ITPR2: variants seen among roughly 807,000 people sequenced by gnomAD.
The protein encoded by ITPR2 is inositol 1,4,5-trisphosphate-gated calcium channel ITPR2.
ITPR2 carries 207 observed loss-of-function variants against 317.1 expected under a neutral mutation model. The ratio of observed to expected loss-of-function variants is 0.65; its 90% CI spans 0.58 to 0.73. The LOEUF (loss-of-function observed/expected upper bound fraction) is 0.73, where lower values mean the gene tolerates loss of function less well. Among genes scored for constraint, ITPR2 ranks in the 30% least tolerant of loss-of-function variants. The probability of loss-of-function intolerance (pLI) is 0.00; values close to 1 mark genes in which losing one functional copy is unlikely to be tolerated. For missense variants in ITPR2, 2,613 were observed against 3,284.0 expected, an observed-to-expected ratio of 0.80 and a Z score of 4.99; for synonymous variants, 1,156 against 1,149.1, an observed-to-expected ratio of 1.01 and a Z score of -0.12.
chr12:26,427,693 C>T (rs897917715), intron 49 of ITPR2, among the ~76,000 whole-genome samples: 30 of 152,132 alleles, frequency 2.0e-4, no homozygotes, highest in African/African-American at 7.0e-4. Context: ...GGGTCATTCC[C>T]CAAATGTTAC....
chr12:26,660,089 C>A (rs747810920), intron 15 of ITPR2, among the ~76,000 whole-genome samples: 3 of 152,176 alleles, frequency 2.0e-5, no homozygotes, highest in Non-Finnish European at 4.4e-5. Flanking sequence ...GGGAAGCCAT[C>A]TAGGCAGTGG....
intron 34 of ITPR2, among the ~76,000 whole-genome samples, chr12:26,574,751 C>T (rs993829693): frequency 2.0e-5 from 3 of 152,122 alleles, no homozygotes; most frequent in East Asian, 1.9e-4. Flanking sequence ...AGCTTCCACT[C>T]GTGGTGGAAG....
intron 2 of ITPR2, among the ~76,000 whole-genome samples, chr12:26,758,946 C>G (rs1181921182): frequency 6.6e-6 from 1 of 152,222 alleles, no homozygotes; most frequent in Admixed American, 6.5e-5. Context: ...TGCATACAGT[C>G]TCTTCCATGA....
At chr12:26,612,243 AT>A (rs77518785) in intron 26 of ITPR2, among the ~76,000 whole-genome samples, 34,670 of 152,006 alleles carry the variant, frequency 0.23, 4,389 homozygotes, top group East Asian at 0.51. Flanking sequence ...TATTGGAGAT[AT>A]TTTTTATTCT....
chr12:26,746,199 C>CACACACACACAT (rs1949319689), intron 2 of ITPR2, among the ~76,000 whole-genome samples: 1 of 151,644 alleles, frequency 6.6e-6, no homozygotes. Flanking sequence ...ACAACACACA[C>CACACACACACAT]ACACACACAC....
intron 41 of ITPR2, among the ~76,000 whole-genome samples, chr12:26,485,390 T>C (rs1364003030): frequency 2.0e-5 from 3 of 152,214 alleles, no homozygotes; most frequent in African/African-American, 4.8e-5. Context: ...ATACACCCTA[T>C]ACATCTATTT....
intron 37 of ITPR2, among the ~76,000 whole-genome samples, chr12:26,508,502 G>A: frequency 6.6e-6 from 1 of 151,948 alleles, no homozygotes; most frequent in Non-Finnish European, 1.5e-5. Flanking sequence ...TGATATCATA[G>A]GCCCCTACAT....
intron 2 of ITPR2, among the ~76,000 whole-genome samples, chr12:26,784,570 C>G (rs961169724): frequency 6.6e-6 from 1 of 151,758 alleles, no homozygotes; most frequent in Non-Finnish European, 1.5e-5. Flanking sequence ...TCTCCAGCTC[C>G]TAACCGCGAG....
chr12:26,507,068 A>G (rs1044228418), intron 37 of ITPR2, among the ~76,000 whole-genome samples: 1 of 152,092 alleles, frequency 6.6e-6, no homozygotes, highest in African/African-American at 2.4e-5. Context: ...TCTTGCATCT[A>G]TTTGTCCAGG....
In ITPR2 at chr12:26,561,843, T is replaced by G; in HGVS notation, c.4740A>C (p.Leu1580=). The G allele has an allele frequency of 6.3e-7, 1 of 1,598,676 alleles. No homozygotes were observed. Among genetic ancestry groups the G allele is most frequent in the South Asian group, 1.1e-5 (1 of 87,180 alleles). The change falls in exon 35 of 57, where the codon CTA becomes CTC. Residue 1580 remains leucine, a synonymous_variant. Coordinates refer to ENST00000381340, the MANE Select transcript of ITPR2 (RefSeq NM_002223.4). The part of the protein sequence containing the change: ...MVQRAAMGWR[L]SARSGPRFKE... ...TAAAGCGTGGCCCAGAGCGAGCTGA[T>G]AGTCTCCAACCCATTGCTGCTCTCT... is the stretch of plus-strand genomic sequence containing the variant.
chr12:26,833,023 C>T lies in ITPR2; in HGVS notation c.-242G>A, dbSNP rs1951144498. ...CCGCGAAGAGCGCAGCCCAGGCGCC[C>T]AGAGAAGCCGCAGCCGCCGCCGCCT... On this transcript the variant is annotated 5_prime_UTR_variant, in exon 1 of 57. Transcript: ENST00000381340. 1 of 479,412 alleles carries T rather than the reference C, an allele frequency of 2.1e-6. No homozygotes were observed. The highest frequency in any genetic ancestry group is 2.9e-5 in the South Asian group (1 of 35,002). 29.7% of individuals were successfully genotyped at this position (479,412 alleles called of 1,614,324 possible).
intron 39 of ITPR2, among the ~76,000 whole-genome samples, chr12:26,490,194 A>G (rs550988834): frequency 1.2e-4 from 18 of 152,346 alleles, no homozygotes; most frequent in African/African-American, 3.4e-4. Flanking sequence ...TTGAAATTCA[A>G]TTGGAGAGGC....
rs377716886 is a variant in ITPR2, at chr12:26,443,504, T to C, written c.6450+39A>G. Reference sequence around the variant, plus strand: ...CTAAAATAGGAAGTAAGCATAACTTTTCACAGTTGGTCTCTTTCAATAAAT... The same window carrying C: ...CTAAAATAGGAAGTAAGCATAACTTCTCACAGTTGGTCTCTTTCAATAAAT... On this transcript the variant is annotated intron_variant, in intron 46 of 56. Coordinates refer to ENST00000381340, the MANE Select transcript of ITPR2 (RefSeq NM_002223.4). 1.5e-3 allele frequency: 2,295 copies of C among 1,485,582 alleles called. 8 individuals carry two copies. The highest frequency in any genetic ancestry group is 1.9e-3 in the Non-Finnish European group (2,017 of 1,067,110). The allele number at this position is 1,485,582 out of a possible 1,614,324, so 92.0% of individuals were successfully genotyped here. A position where few individuals can be genotyped will look rare whatever the true frequency, so the allele number is the denominator to read the frequency against.
intron 20 of ITPR2, among the ~76,000 whole-genome samples, chr12:26,654,569 A>G (rs1227432247): frequency 6.6e-6 from 1 of 152,182 alleles, no homozygotes; most frequent in African/African-American, 2.4e-5. Flanking sequence ...TACCTCCAAG[A>G]TGTGGCCCCA....
Position 26,725,688 on chromosome 12 carries a change from C to T in ITPR2, c.241G>A (p.Gly81Arg). 1 of 1,613,328 alleles carries T rather than the reference C, an allele frequency of 6.2e-7. No individual in the cohort carries two copies. ...QYWKAKQAKQ[G>R]NHTEAALLKK... is the part of the protein sequence containing the mutation. ...AGCAAGGCTGCCTCGGTGTGGTTCC[C>T]TTGTTTGGCTTGCTTTGCTTTCCAA... The change falls in exon 3 of 57, where the codon GGG becomes AGG. Residue 81 changes from glycine (G) to arginine (R), a missense_variant. Around this residue, in one of 9 missense-constraint regions of ITPR2, gnomAD observed 515 missense variants for 789.4 expected, o/e 0.65. Coordinates refer to ENST00000381340, the MANE Select transcript of ITPR2 (RefSeq NM_002223.4).
At position 26,567,849 on chromosome 12, in the gene ITPR2, GAC is replaced by G. The variant is rs569899841; in HGVS notation, c.4631-5899_4631-5898del. 2.6e-3 allele frequency among the ~76,000 whole-genome samples: 388 copies of G among 147,906 alleles called. 6 individuals are homozygous for G. Among genetic ancestry groups the G allele is most frequent in the African/African-American group, 9.3e-3 (372 of 40,096 alleles). On this transcript the variant is annotated intron_variant, in intron 34 of 56. Coordinates refer to ENST00000381340, the MANE Select transcript of ITPR2 (RefSeq NM_002223.4). ...ATTAATTTATCATTTCACTTACAAG[GAC>G]ATTAATAAATAGAACAATATTTTTC...
intron 10 of ITPR2, among the ~76,000 whole-genome samples, chr12:26,689,100 T>C (rs1948184964): frequency 6.6e-6 from 1 of 152,192 alleles, no homozygotes; most frequent in Non-Finnish European, 1.5e-5. Context: ...TCATGTTATA[T>C]ACCTTAACTA....
At chr12:26,602,591 T>C (rs1946027061) in intron 27 of ITPR2, 26 bp downstream of exon 27, 3 of 1,582,016 alleles carry the variant, frequency 1.9e-6, no homozygotes, top group African/African-American at 1.3e-5. Context: ...TATAAACCTA[T>C]ATAAGAATAT....
At chr12:26,791,025 G>A (rs1364292010) in intron 1 of ITPR2, among the ~76,000 whole-genome samples, 1 of 152,172 alleles carries the variant, frequency 6.6e-6, no homozygotes, top group Non-Finnish European at 1.5e-5. Flanking sequence ...GCTTCTAGAA[G>A]AGTGCCTGAC....
Sources: allele counts gnomAD v4.1 joint callset (sites outside exome capture counted in the v4.1 genomes callset), GRCh38; gene constraint gnomAD v4.1.1; regional missense constraint gnomAD v4.1.1; transcripts MANE v1.5; gene names NCBI Gene and HGNC (gene_info 2026-07-23, HGNC 2026-07-21).